The following LAMA1 variants were observed in gnomAD, a reference collection of about 807,000 sequenced individuals.
LAMA1 encodes the protein laminin subunit alpha-1.
LAMA1 carries 219 observed loss-of-function variants against 348.7 expected under a neutral mutation model. The observed-to-expected ratio is 0.63, with a 90% CI of 0.56 to 0.70. LAMA1 has a LOEUF of 0.70. LAMA1 is among the 30% of genes least tolerant of loss of function. The pLI is 0.00. For missense variants in LAMA1, 3,744 were observed against 3,888.0 expected, an observed-to-expected ratio of 0.96 and a Z score of 0.99; for synonymous variants, 1,487 against 1,491.0, an observed-to-expected ratio of 1.00 and a Z score of 0.06.
intron 28 of LAMA1, 78 bp from the exon 29 acceptor site, chr18:7,007,354 G>C: frequency 5.6e-6 from 8 of 1,440,222 alleles, no homozygotes; most frequent in Non-Finnish European, 6.6e-6. Context: ...CTTCTCCAAA[G>C]GAGACATACA....
At position 6,964,267 on chromosome 18, in the gene LAMA1, G is replaced by C. The variant is rs549467348; in HGVS notation, c.7337+395C>G. The C allele has an allele frequency of 1.7e-5, 5 of 297,808 alleles. No individual in the cohort carries two copies. The East Asian group carries it at 3.9e-4, about 23-fold the overall frequency. 18.4% of individuals were successfully genotyped at this position (297,808 alleles called of 1,614,324 possible). A position where few individuals can be genotyped will look rare whatever the true frequency, so the allele number is the denominator to read the frequency against. ...CAGGTTGAACCGTGTCCTCCCAAAA[G>C]ATGTGGTAGTCTTGATCCTCCTTAT... On this transcript the variant is annotated intron_variant, in intron 51 of 62. Transcript: ENST00000389658.
chr18:6,977,683 T>G (rs1208109208), intron 44 of LAMA1, 44 bp downstream of exon 44: 29 of 1,612,214 alleles, frequency 1.8e-5, no homozygotes, highest in Non-Finnish European at 2.4e-5. Flanking sequence ...GGACCCCACA[T>G]GACTGAGAGC....
At position 7,040,196 on chromosome 18, in the gene LAMA1, T is replaced by G; in HGVS notation, c.1302A>C (p.Thr434=). The change falls in exon 10 of 63, where the codon ACA becomes ACC. Residue 434 remains threonine (T), a synonymous_variant. Transcript: ENST00000389658. ...PGQCPCKEGY[T]GEKCDRCQLG... ...GTTGGCAGCGATCACATTTTTCTCC[T>G]GTATAACCTTCCTTACATGGGCACT... The G allele has an allele frequency of 6.2e-7, 1 of 1,614,150 alleles. No individual in the cohort carries two copies. The highest frequency in any genetic ancestry group is 8.5e-7 in the Non-Finnish European group (1 of 1,180,030).
intron 19 of LAMA1, among the ~76,000 whole-genome samples, chr18:7,022,823 T>C (rs1488501275): frequency 6.6e-6 from 1 of 152,154 alleles, no homozygotes; most frequent in Non-Finnish European, 1.5e-5. Flanking sequence ...CTGAAGCATC[T>C]CCCTTACGAA....
chr18:7,047,767 C>G (rs2144196152), intron 5 of LAMA1, among the ~76,000 whole-genome samples: 1 of 151,944 alleles, frequency 6.6e-6, no homozygotes, highest in East Asian at 1.9e-4. Context: ...AACAACGGCC[C>G]CAAAACAAGT....
At chr18:6,983,336 T>C in intron 39 of LAMA1, 102 bp from the exon 40 acceptor site, 2 of 1,184,846 alleles carry the variant, frequency 1.7e-6, no homozygotes, top group Admixed American at 1.8e-5. Flanking sequence ...AAGCCTCCTA[T>C]CTTCTTTCCC....
intron 51 of LAMA1, chr18:6,963,818 T>C (rs1305369866): frequency 1.3e-5 from 2 of 152,168 alleles, no homozygotes; most frequent in Non-Finnish European, 2.9e-5. Context: ...CTGAGGACAA[T>C]GAACCAGCCA....
At chr18:6,987,575 C>T (rs1166516198) in intron 36 of LAMA1, among the ~76,000 whole-genome samples, 1 of 152,144 alleles carries the variant, frequency 6.6e-6, no homozygotes, top group Non-Finnish European at 1.5e-5. Context: ...AATAAAATTT[C>T]ATGCTACAAA....
rs536034601 is a variant in LAMA1 at position 7,076,598 on chromosome 18, G to A, written c.345+3377C>T. Reference sequence around the variant, plus strand: ...TTTTTTTTAAGTGAAGGACAATTCAGATGAGAAGAGATTTAAGAAGCATAG... The same window carrying A: ...TTTTTTTTAAGTGAAGGACAATTCAAATGAGAAGAGATTTAAGAAGCATAG... On this transcript the variant is annotated intron_variant, in intron 3 of 62. Transcript: ENST00000389658. Among the ~76,000 whole-genome samples the A allele has an allele frequency of 3.3e-5, 5 of 151,172 alleles. No individual in the cohort carries two copies. The South Asian group carries it at 1.0e-3, about 32-fold the overall frequency.
chr18:7,017,264 C>T lies in LAMA1; in HGVS notation c.2808+14G>A, dbSNP rs2057893253. On this transcript the variant is annotated intron_variant, in intron 20 of 62. Coordinates refer to ENST00000389658, the MANE Select transcript of LAMA1 (RefSeq NM_005559.4). Reference sequence around the variant, plus strand: ...TACCAAGGCTAAGGTGTCAATTAGTCACATGCATCTTACCAAGCACTGGTC... The same window carrying T: ...TACCAAGGCTAAGGTGTCAATTAGTTACATGCATCTTACCAAGCACTGGTC... The T allele has an allele frequency of 6.3e-7, 1 of 1,597,362 alleles. No individual in the cohort carries two copies. Among genetic ancestry groups the T allele is most frequent in the Non-Finnish European group, 8.6e-7 (1 of 1,165,728 alleles).
Position 6,975,056 on chromosome 18 carries a change from C to A in LAMA1, c.6490-20G>T, listed in dbSNP as rs372150895. The A allele has an allele frequency of 6.2e-7, 1 of 1,611,502 alleles. No homozygotes were observed. The highest frequency in any genetic ancestry group is 8.5e-7 in the Non-Finnish European group (1 of 1,178,808). On this transcript the variant is annotated intron_variant, in intron 45 of 62. Coordinates refer to ENST00000389658, the MANE Select transcript of LAMA1 (RefSeq NM_005559.4). ...ATCAGACTGGGGGGCGAGGAATGAA[C>A]GGGGATCAGTTTACACACTGGACTG...
At chr18:7,117,508 C>G (rs2058362518) in intron 1 of LAMA1, 152 bp downstream of exon 1, 4 of 724,280 alleles carry the variant, frequency 5.5e-6, no homozygotes, top group Non-Finnish European at 6.7e-6. Context: ...CCGGCAAGCG[C>G]GGGAGACCCA....
intron 1 of LAMA1, among the ~76,000 whole-genome samples, chr18:7,091,812 A>C (rs1384368801): frequency 6.6e-6 from 1 of 152,236 alleles, no homozygotes; most frequent in Admixed American, 6.5e-5. Flanking sequence ...GGTAACTGCA[A>C]TAAGAAATTG....
At chr18:7,016,240 G>A (rs531326054) in intron 21 of LAMA1, among the ~76,000 whole-genome samples, 4 of 152,298 alleles carry the variant, frequency 2.6e-5, no homozygotes, top group Admixed American at 6.5e-5. Context: ...TTTTACAGAT[G>A]AGGAAACTGA....
intron 17 of LAMA1, 33 bp downstream of exon 17, chr18:7,025,946 T>C (rs747952962): frequency 3.1e-6 from 5 of 1,591,940 alleles, no homozygotes; most frequent in African/African-American, 1.3e-5. Flanking sequence ...CTGGCCATGC[T>C]GGCAGGAACC....
At chr18:7,089,340 C>T (rs1198944854) in intron 1 of LAMA1, among the ~76,000 whole-genome samples, 4 of 130,704 alleles carry the variant, frequency 3.1e-5, no homozygotes, top group Non-Finnish European at 4.8e-5. Context: ...GATCGTGCCA[C>T]TGCACTCCAG....
chr18:7,007,316 ATGAG>A (rs768538303), intron 28 of LAMA1, 40 bp from the exon 29 acceptor site: 1 of 1,598,154 alleles, frequency 6.3e-7, no homozygotes, highest in Admixed American at 1.7e-5. Context: ...AGTCTGATTA[ATGAG>A]TGAGTGAAGG....
At position 6,978,383 on chromosome 18, in the gene LAMA1, A is replaced by C. The variant is rs1424996491; in HGVS notation, c.6008-5T>G. 6.2e-7 allele frequency: 1 copy of C among 1,613,564 alleles called. No homozygotes were observed. The highest frequency in any genetic ancestry group is 8.5e-7 in the Non-Finnish European group (1 of 1,179,738). On this transcript the variant is annotated splice_region_variant and splice_polypyrimidine_tract_variant and intron_variant, in intron 42 of 62. Coordinates refer to ENST00000389658, the MANE Select transcript of LAMA1 (RefSeq NM_005559.4). ...TGGCTCCCTTGTCTCTTATACCTAA[A>C]ATAAATGTATATAAAAGCATGCACT...
chr18:6,991,407 T>G (rs2057758108), intron 36 of LAMA1, among the ~76,000 whole-genome samples: 1 of 147,698 alleles, frequency 6.8e-6, no homozygotes, highest in East Asian at 1.9e-4. Context: ...TTTTTTTTTT[T>G]TGAGACGGAG....
Sources: gnomAD v4.1 joint callset for allele counts (sites outside exome capture counted in the v4.1 genomes callset) on GRCh38, gnomAD v4.1.1 for gene constraint, MANE v1.5 for transcripts, NCBI Gene and HGNC (gene_info 2026-07-23, HGNC 2026-07-21) for gene names.